The following LRP1B variants were observed in gnomAD, a reference collection of about 807,000 sequenced individuals.
LRP1B encodes LDL receptor related protein 1B.
LRP1B carries 217 observed loss-of-function variants against 556.6 expected under a neutral mutation model. The observed-to-expected ratio is 0.39, with a 90% confidence interval of 0.35 to 0.44. The LOEUF (loss-of-function observed/expected upper bound fraction) is 0.44, where lower values mean the gene tolerates loss of function less well. Among genes scored for constraint, LRP1B ranks in the 20% least tolerant of loss-of-function variants. The pLI is 1.00. For missense variants in LRP1B, 5,053 were observed against 5,620.8 expected, an observed-to-expected ratio of 0.90 and a Z score of 3.23; for synonymous variants, 2,047 against 1,865.8, an observed-to-expected ratio of 1.10 and a Z score of -2.50.
At chr2:140,649,451 C>T (rs770628768) in intron 41 of LRP1B, among the ~76,000 whole-genome samples, 1 of 152,194 alleles carries the variant, frequency 6.6e-6, no homozygotes, top group African/African-American at 2.4e-5. Flanking sequence ...CCCATATTCT[C>T]TCCAAATTGT....
chr2:141,836,661 C>T (rs898884970), intron 1 of LRP1B, among the ~76,000 whole-genome samples: 1 of 151,980 alleles, frequency 6.6e-6, no homozygotes, highest in Non-Finnish European at 1.5e-5. Flanking sequence ...TACTGTCACA[C>T]ACTCTAACTG....
chr2:141,391,245 A>T (rs1486424083), intron 3 of LRP1B, among the ~76,000 whole-genome samples: 1 of 152,214 alleles, frequency 6.6e-6, no homozygotes, highest in South Asian at 2.1e-4. Flanking sequence ...TGGTCACCAT[A>T]GCCTAGTACC....
At chr2:140,370,591 G>C in intron 71 of LRP1B, 119 bp downstream of exon 71, 1 of 1,327,410 alleles carries the variant, frequency 7.5e-7, no homozygotes, top group Non-Finnish European at 1.0e-6. Context: ...AAACTTGGAA[G>C]AGTAAAGAGA....
At chr2:141,616,556 A>G (rs1688308960) in intron 2 of LRP1B, among the ~76,000 whole-genome samples, 1 of 152,340 alleles carries the variant, frequency 6.6e-6, no homozygotes, top group East Asian at 1.9e-4. Flanking sequence ...CATTCAATAG[A>G]AAGATATTTT....
rs1202792703 is a variant in LRP1B at position 140,598,805 on chromosome 2, T to C, written c.7020A>G (p.Gln2340=). 1.2e-6 allele frequency: 2 copies of C among 1,610,310 alleles called. No individual in the cohort carries two copies. Among genetic ancestry groups the C allele is most frequent in the African/African-American group, 1.3e-5 (1 of 74,882 alleles). The change falls in exon 43 of 91, where the codon CAA becomes CAG. Residue 2340 remains glutamine, a synonymous_variant. Transcript: ENST00000389484. ...GAGTAGATCTCATGATACTTGGATGTTGTTCATTCCAGTTGGTCCAAAACA... is the reference window on the plus strand; with the variant it reads ...GAGTAGATCTCATGATACTTGGATGCTGTTCATTCCAGTTGGTCCAAAACA... ...NLMFWTNWNE[Q]HPSIMRSTLT...
chr2:140,315,905 A>C (rs1684501176), intron 82 of LRP1B, among the ~76,000 whole-genome samples: 1 of 152,130 alleles, frequency 6.6e-6, no homozygotes, highest in East Asian at 1.9e-4. Flanking sequence ...GATTTGGTAC[A>C]AGTTGGTGAC....
In LRP1B at chr2:141,013,760, C is replaced by G. The variant is rs2105386020; in HGVS notation, c.2191-15G>C. On this transcript the variant is annotated splice_polypyrimidine_tract_variant and intron_variant, in intron 13 of 90. Transcript: ENST00000389484. ...CTGTAAACAATCTGTAAAATATAAA[C>G]ACATTGTGAAAAATCAGAACTGACC... The G allele has an allele frequency of 6.7e-7, 1 of 1,485,434 alleles. No individual in the cohort carries two copies. The highest frequency in any genetic ancestry group is 9.0e-7 in the Non-Finnish European group (1 of 1,113,538). 92.0% of individuals were successfully genotyped at this position (1,485,434 alleles called of 1,614,324 possible).
intron 2 of LRP1B, among the ~76,000 whole-genome samples, chr2:141,738,749 C>T (rs1399941898): frequency 2.6e-5 from 4 of 152,096 alleles, no homozygotes; most frequent in African/African-American, 9.7e-5. Context: ...TCGTATAAAA[C>T]TGCTAAATGG....
At chr2:141,664,565 T>C (rs931840588) in intron 2 of LRP1B, among the ~76,000 whole-genome samples, 2 of 151,986 alleles carry the variant, frequency 1.3e-5, no homozygotes, top group African/African-American at 2.4e-5. Flanking sequence ...ACACCAACAA[T>C]AGACAGGCAG....
intron 7 of LRP1B, among the ~76,000 whole-genome samples, chr2:141,084,641 T>C (rs966115743): frequency 3.9e-4 from 53 of 137,504 alleles, no homozygotes; most frequent in Non-Finnish European, 7.4e-4. Context: ...TGTCCATAGA[T>C]ACTTCTGTTT....
At chr2:141,897,076 G>C (rs776615157) in intron 1 of LRP1B, among the ~76,000 whole-genome samples, 8 of 152,014 alleles carry the variant, frequency 5.3e-5, no homozygotes, top group Non-Finnish European at 1.2e-4. Flanking sequence ...ATGTATTCCT[G>C]TTCTGGAATC....
chr2:140,693,149 A>G (rs1317227749), intron 41 of LRP1B, among the ~76,000 whole-genome samples: 1 of 152,096 alleles, frequency 6.6e-6, no homozygotes, highest in African/African-American at 2.4e-5. Context: ...TATTGGTAAT[A>G]TCATATTGTG....
At chr2:142,037,163 T>A (rs1378317806) in intron 1 of LRP1B, among the ~76,000 whole-genome samples, 1 of 151,544 alleles carries the variant, frequency 6.6e-6, no homozygotes, top group Non-Finnish European at 1.5e-5. Context: ...TATTGTGAAT[T>A]CTGAATTCCT....
chr2:140,927,118 A>G (rs1325456290), intron 20 of LRP1B, among the ~76,000 whole-genome samples: 1 of 152,210 alleles, frequency 6.6e-6, no homozygotes, highest in Non-Finnish European at 1.5e-5. Flanking sequence ...CAGCCTGGCT[A>G]ACATGGTGAA....
chr2:141,015,636 A>T (rs2105388576), intron 13 of LRP1B, 60 bp downstream of exon 13: 1 of 1,312,654 alleles, frequency 7.6e-7, no homozygotes, highest in South Asian at 1.2e-5. Context: ...AACACAACAC[A>T]ACAAGGCTCT....
intron 1 of LRP1B, among the ~76,000 whole-genome samples, chr2:141,877,438 A>T (rs1698808707): frequency 6.6e-6 from 1 of 151,946 alleles, no homozygotes; most frequent in South Asian, 2.1e-4. Flanking sequence ...TGTGTTACCC[A>T]CTTGTAGGTC....
chr2:141,355,268 CT>C (rs1283166536), intron 3 of LRP1B, among the ~76,000 whole-genome samples: 1 of 150,818 alleles, frequency 6.6e-6, no homozygotes, highest in African/African-American at 2.5e-5. Context: ...TGTAACAGTC[CT>C]TTTTTAAGTC....
At chr2:141,013,491 T>C (rs1433749189) in intron 14 of LRP1B, 65 bp downstream of exon 14, 2 of 1,281,220 alleles carry the variant, frequency 1.6e-6, no homozygotes, top group African/African-American at 1.5e-5. Flanking sequence ...GATAAATCTT[T>C]TATAACTTCT....
chr2:141,373,008 T>C (rs2105595803), intron 3 of LRP1B, among the ~76,000 whole-genome samples: 2 of 152,218 alleles, frequency 1.3e-5, no homozygotes, highest in Non-Finnish European at 2.9e-5. Context: ...TTTATTGCTA[T>C]AAACTTAGCA....
Sources: gnomAD v4.1 joint callset for allele counts (sites outside exome capture counted in the v4.1 genomes callset) on GRCh38, gnomAD v4.1.1 for gene constraint, MANE v1.5 for transcripts, NCBI Gene and HGNC (gene_info 2026-07-23, HGNC 2026-07-21) for gene names.